The following DENND2A variants were observed in gnomAD, a reference collection of about 807,000 sequenced individuals.
DENND2A encodes the protein DENN domain containing 2A.
Under a neutral mutation model 105.3 loss-of-function variants are expected in DENND2A, and 53 were observed. That is an observed-to-expected ratio of 0.50 (90% CI 0.40 to 0.63). The LOEUF is 0.63. Ranked by LOEUF, DENND2A falls within the 30% of genes least tolerant of loss-of-function variation. The pLI, the probability that DENND2A is intolerant of heterozygous loss-of-function variation, is 0.00. For missense variants in DENND2A, 1,138 were observed against 1,279.6 expected (o/e 0.89, Z 1.69); for synonymous variants, 522 against 508.4 (o/e 1.03, Z -0.36).
At chr7:140,570,046 C>T (rs1173204865) in intron 6 of DENND2A, among the ~76,000 whole-genome samples, 10 of 152,176 alleles carry the variant, frequency 6.6e-5, no homozygotes, top group Non-Finnish European at 4.4e-5. Context: ...AGGTACCCAC[C>T]ATTATGCCCA....
intron 13 of DENND2A, 136 bp downstream of exon 13, chr7:140,546,654 ATGAGTGATC>A (rs1796920696): frequency 9.5e-7 from 1 of 1,054,082 alleles, no homozygotes; most frequent in African/African-American, 1.6e-5. Flanking sequence ...GGAACTCATG[ATGAGTGATC>A]TGGGCCAGCT....
intron 5 of DENND2A, among the ~76,000 whole-genome samples, chr7:140,574,519 C>G (rs1388361380): frequency 1.3e-5 from 2 of 152,038 alleles, no homozygotes; most frequent in Non-Finnish European, 2.9e-5. Context: ...ACACCTGGCC[C>G]GGTTTCTCTT....
At chr7:140,546,354 G>T (rs943773714) in intron 13 of DENND2A, among the ~76,000 whole-genome samples, 1 of 151,534 alleles carries the variant, frequency 6.6e-6, no homozygotes, top group Non-Finnish European at 1.5e-5. Flanking sequence ...GGAGGCAGAG[G>T]TTGCAGTGAG....
rs772610625 is a variant in DENND2A, at chr7:140,522,631, T to C, written c.2666-531A>G. On this transcript the variant is annotated intron_variant, in intron 17 of 19. Coordinates refer to ENST00000496613, the MANE Select transcript of DENND2A (RefSeq NM_015689.5). Reference sequence around the variant, plus strand: ...GCCCAGCCTTTTATTTTTTTTGAGATAGAGTCTTGCTCTGTCTCCCAGGCT... The same window carrying C: ...GCCCAGCCTTTTATTTTTTTTGAGACAGAGTCTTGCTCTGTCTCCCAGGCT... Among the ~76,000 whole-genome samples, 163 of 150,666 alleles carry C rather than the reference T, an allele frequency of 1.1e-3. 2 individuals are homozygous for C. Among genetic ancestry groups the C allele is most frequent in the East Asian group, 1.8e-3 (9 of 5,088 alleles).
intron 9 of DENND2A, among the ~76,000 whole-genome samples, chr7:140,564,445 C>T (rs764223747): frequency 2.0e-5 from 3 of 152,046 alleles, no homozygotes; most frequent in African/African-American, 4.8e-5. Context: ...ATTAAATATG[C>T]TTATAAATAA....
At chr7:140,575,636 T>C (rs1396031980) in intron 5 of DENND2A, among the ~76,000 whole-genome samples, 1 of 152,200 alleles carries the variant, frequency 6.6e-6, no homozygotes, top group Admixed American at 6.6e-5. Context: ...AATTATGATA[T>C]ACCCACACAG....
At chr7:140,622,479 T>A (rs76046834) in intron 1 of DENND2A, among the ~76,000 whole-genome samples, 2,911 of 152,252 alleles carry the variant, frequency 0.019, 96 homozygotes, top group African/African-American at 0.065. Flanking sequence ...ATACTCTTTA[T>A]CCAAATTCAC....
At chr7:140,525,261 TCTC>T (rs1358597500) in intron 16 of DENND2A, among the ~76,000 whole-genome samples, 5 of 151,126 alleles carry the variant, frequency 3.3e-5, no homozygotes, top group Non-Finnish European at 1.5e-5. Context: ...TTCAAGCAAT[TCTC>T]CTGTCTAAGC....
In DENND2A at chr7:140,602,263, G is replaced by T; in HGVS notation, c.135C>A (p.Asn45Lys). The change falls in exon 3 of 20, where the codon AAC becomes AAA. Residue 45 changes from asparagine to lysine, a missense_variant. By Grantham distance (94) the Asn-to-Lys change is moderately conservative. This residue lies in a region of DENND2A where 511 missense variants were observed against 499.9 expected (regional missense o/e 1.02). Coordinates refer to ENST00000496613, the MANE Select transcript of DENND2A (RefSeq NM_015689.5). ...ARARPRHKSL[N>K]IKDKISEWEG... ...CCCATTCTGATATCTTGTCCTTTATGTTGAGGGACTTGTGCCGGGGTCTGG... is the reference window on the plus strand; with the variant it reads ...CCCATTCTGATATCTTGTCCTTTATTTTGAGGGACTTGTGCCGGGGTCTGG... The T allele has an allele frequency of 6.2e-7, 1 of 1,613,226 alleles. No homozygotes were observed. The highest frequency in any genetic ancestry group is 2.2e-5 in the East Asian group (1 of 44,876).
intron 11 of DENND2A, among the ~76,000 whole-genome samples, chr7:140,557,791 G>T (rs1400527368): frequency 6.6e-6 from 1 of 151,072 alleles, no homozygotes; most frequent in Non-Finnish European, 1.5e-5. Context: ...GCCCGTCTCG[G>T]CCTCCCAAAG....
rs146894149 is a variant in DENND2A, at chr7:140,595,369, T to C, written c.995+6034A>G. Reference sequence around the variant, plus strand: ...ACATTTACTGTTTATAATTTATCCCTACTTCAAGATTTAAAAAAAAAAAGC... The same window carrying C: ...ACATTTACTGTTTATAATTTATCCCCACTTCAAGATTTAAAAAAAAAAAGC... On this transcript the variant is annotated intron_variant, in intron 3 of 19. Coordinates refer to ENST00000496613, the MANE Select transcript of DENND2A (RefSeq NM_015689.5). Among the ~76,000 whole-genome samples, 391 of 152,238 alleles carry C rather than the reference T, an allele frequency of 2.6e-3. 2 individuals carry two copies. The highest frequency in any genetic ancestry group is 9.0e-3 in the African/African-American group (372 of 41,552).
intron 14 of DENND2A, among the ~76,000 whole-genome samples, chr7:140,528,030 G>A (rs1486697352): frequency 6.6e-6 from 1 of 151,846 alleles, no homozygotes; most frequent in African/African-American, 2.4e-5. Flanking sequence ...TAGTAGCGAT[G>A]GGGTTTCACC....
chr7:140,579,123 T>A (rs986110041), intron 5 of DENND2A, among the ~76,000 whole-genome samples: 5 of 151,852 alleles, frequency 3.3e-5, no homozygotes, highest in African/African-American at 1.2e-4. Context: ...TGAAACCCCA[T>A]CTCTACTAAA....
At chr7:140,635,427 G>T (rs563123583) in intron 1 of DENND2A, among the ~76,000 whole-genome samples, 1 of 152,148 alleles carries the variant, frequency 6.6e-6, no homozygotes, top group African/African-American at 2.4e-5. Context: ...GCTTGAAGTG[G>T]TCTGATAAGC....
At chr7:140,572,955 A>G (rs1208036904) in intron 6 of DENND2A, among the ~76,000 whole-genome samples, 1 of 152,068 alleles carries the variant, frequency 6.6e-6, no homozygotes, top group Non-Finnish European at 1.5e-5. Flanking sequence ...TTATAACAGG[A>G]GGGAAGAAAC....
intron 8 of DENND2A, 134 bp from the exon 9 acceptor site, chr7:140,567,407 AG>A (rs1175047745): frequency 4.1e-6 from 3 of 727,560 alleles, no homozygotes; most frequent in Non-Finnish European, 4.2e-6. Context: ...GAGCTGCAAT[AG>A]GTTATGTAAT....
intron 18 of DENND2A, 128 bp downstream of exon 18, chr7:140,521,727 G>C: frequency 5.5e-6 from 8 of 1,463,948 alleles, no homozygotes; most frequent in Non-Finnish European, 6.5e-6. Flanking sequence ...ATAACTGCAA[G>C]CTCTCTGGGG....
At chr7:140,633,896 C>T (rs1563191375) in intron 1 of DENND2A, among the ~76,000 whole-genome samples, 2 of 152,078 alleles carry the variant, frequency 1.3e-5, no homozygotes, top group East Asian at 1.9e-4. Flanking sequence ...CCTCCAACCT[C>T]GGCTACTACC....
chr7:140,525,417 A>G (rs1463436235), intron 16 of DENND2A, among the ~76,000 whole-genome samples: 1 of 152,096 alleles, frequency 6.6e-6, no homozygotes, highest in Non-Finnish European at 1.5e-5. Flanking sequence ...AGCCTCCCAA[A>G]GTGCTGGGAT....
Sources: allele counts gnomAD v4.1 joint callset (sites outside exome capture counted in the v4.1 genomes callset), GRCh38; gene constraint gnomAD v4.1.1; regional missense constraint gnomAD v4.1.1; transcripts MANE v1.5; gene names NCBI Gene and HGNC (gene_info 2026-07-23, HGNC 2026-07-21).